RGS7: variants seen among roughly 807,000 people sequenced by gnomAD.
RGS7 encodes regulator of G-protein signaling 7.
Under a neutral mutation model 81.1 loss-of-function variants are expected in RGS7, and 27 were observed. The observed-to-expected ratio is 0.33, with a 90% CI of 0.25 to 0.46. The LOEUF (loss-of-function observed/expected upper bound fraction) is 0.46, where lower values mean the gene tolerates loss of function less well. RGS7 is among the 20% of genes least tolerant of loss of function. The probability of loss-of-function intolerance (pLI) is 1.00; values close to 1 mark genes in which losing one functional copy is unlikely to be tolerated. For missense variants in RGS7, 396 were observed against 607.4 expected (o/e 0.65, Z 3.66); for synonymous variants, 208 against 207.7 (o/e 1.00, Z -0.01).
intron 2 of RGS7, among the ~76,000 whole-genome samples, chr1:241,329,495 T>C (rs1364460527): frequency 1.3e-5 from 2 of 152,136 alleles, no homozygotes; most frequent in African/African-American, 4.8e-5. Flanking sequence ...ATATTGATGG[T>C]AATAAAACCT....
At chr1:240,936,448 T>A (rs1484850482) in intron 5 of RGS7, 152 bp downstream of exon 5, 4 of 647,786 alleles carry the variant, frequency 6.2e-6, no homozygotes, top group Non-Finnish European at 1.1e-5. Context: ...TTGCTTTTTA[T>A]GTCTTTAGTT....
chr1:241,250,374 T>A (rs2686218), intron 2 of RGS7, among the ~76,000 whole-genome samples: 1 of 151,956 alleles, frequency 6.6e-6, no homozygotes, highest in Non-Finnish European at 1.5e-5. Context: ...CGATTCTTCA[T>A]TTATACTATT....
intron 4 of RGS7, among the ~76,000 whole-genome samples, chr1:240,939,847 G>A (rs911038573): frequency 1.3e-5 from 2 of 152,040 alleles, no homozygotes. Flanking sequence ...AAGACGGATG[G>A]ATCAATTGAG....
At chr1:241,073,812 A>C (rs1456483942) in intron 3 of RGS7, among the ~76,000 whole-genome samples, 1 of 152,186 alleles carries the variant, frequency 6.6e-6, no homozygotes, top group African/African-American at 2.4e-5. Context: ...TCCTTCTTTG[A>C]ATCTCTGCAA....
intron 3 of RGS7, among the ~76,000 whole-genome samples, chr1:241,019,394 A>G (rs747119774): frequency 5.9e-5 from 9 of 152,028 alleles, no homozygotes; most frequent in Non-Finnish European, 1.3e-4. Context: ...TCTAGGGTAC[A>G]TGTGCGCAAC....
At chr1:241,029,044 G>A (rs921296274) in intron 3 of RGS7, among the ~76,000 whole-genome samples, 3 of 152,178 alleles carry the variant, frequency 2.0e-5, no homozygotes, top group African/African-American at 4.8e-5. Flanking sequence ...AAATCAATAC[G>A]ATTGAAGAGG....
intron 4 of RGS7, among the ~76,000 whole-genome samples, chr1:240,976,725 C>A (rs1025514951): frequency 6.8e-6 from 1 of 148,048 alleles, no homozygotes; most frequent in Non-Finnish European, 1.5e-5. Flanking sequence ...TCCTCAAAAT[C>A]TCTATCTATC....
intron 2 of RGS7, among the ~76,000 whole-genome samples, chr1:241,211,529 C>A (rs2074243704): frequency 6.6e-6 from 1 of 152,112 alleles, no homozygotes; most frequent in Admixed American, 6.5e-5. Flanking sequence ...CTGTACCTGA[C>A]AAAAGAGGAC....
chr1:241,029,228 AG>A (rs529961816), intron 3 of RGS7, among the ~76,000 whole-genome samples: 4 of 152,062 alleles, frequency 2.6e-5, no homozygotes, highest in Non-Finnish European at 5.9e-5. Flanking sequence ...GGGGAGGGGG[AG>A]GGAAGTAGCC....
At chr1:240,811,199 G>T (rs539184957) in intron 14 of RGS7, among the ~76,000 whole-genome samples, 1 of 152,272 alleles carries the variant, frequency 6.6e-6, no homozygotes, top group Non-Finnish European at 1.5e-5. Context: ...ATGAATGAAA[G>T]AACTCATGAA....
chr1:241,070,501 G>A (rs2062373059), intron 3 of RGS7, among the ~76,000 whole-genome samples: 2 of 152,162 alleles, frequency 1.3e-5, no homozygotes, highest in Non-Finnish European at 1.5e-5. Flanking sequence ...TGACCTAAAG[G>A]CAACCTTACA....
chr1:241,037,578 AGGTGT>A (rs1239268341), intron 3 of RGS7, among the ~76,000 whole-genome samples: 1 of 151,906 alleles, frequency 6.6e-6, no homozygotes, highest in African/African-American at 2.4e-5. Context: ...AAAATTAGCC[AGGTGT>A]GGTGGCAGGC....
intron 18 of RGS7, among the ~76,000 whole-genome samples, chr1:240,783,547 C>G (rs955570569): frequency 1.2e-4 from 18 of 151,752 alleles, no homozygotes; most frequent in Non-Finnish European, 2.1e-4. Flanking sequence ...TGTTTGAACC[C>G]AGGAGACAGA....
chr1:241,253,044 G>T (rs2148225820), intron 2 of RGS7, among the ~76,000 whole-genome samples: 1 of 152,324 alleles, frequency 6.6e-6, no homozygotes, highest in South Asian at 2.1e-4. Context: ...GTTCTACAGT[G>T]ATTACATATT....
chr1:240,991,903 G>T (rs1332641296), intron 3 of RGS7, among the ~76,000 whole-genome samples: 1 of 152,054 alleles, frequency 6.6e-6, no homozygotes, highest in Non-Finnish European at 1.5e-5. Context: ...CTACACACAG[G>T]CCATGTCTAA....
At chr1:241,304,604 G>A (rs760347222) in intron 2 of RGS7, among the ~76,000 whole-genome samples, 6 of 152,220 alleles carry the variant, frequency 3.9e-5, no homozygotes, top group African/African-American at 7.2e-5. Flanking sequence ...GGCCGGGAGC[G>A]GGTGTTGTGA....
chr1:241,267,156 C>A (rs555030789), intron 2 of RGS7, among the ~76,000 whole-genome samples: 1 of 152,202 alleles, frequency 6.6e-6, no homozygotes, highest in Non-Finnish European at 1.5e-5. Context: ...CCGTCTCTCT[C>A]AGTTTCTCCC....
chr1:241,127,737 G>A (rs1361387956), intron 2 of RGS7, among the ~76,000 whole-genome samples: 4 of 152,038 alleles, frequency 2.6e-5, no homozygotes, highest in African/African-American at 9.7e-5. Flanking sequence ...TTTATCAATT[G>A]AAATTAATAG....
At chr1:240,885,755 G>C (rs1429000251) in intron 6 of RGS7, among the ~76,000 whole-genome samples, 1 of 152,190 alleles carries the variant, frequency 6.6e-6, no homozygotes, top group Non-Finnish European at 1.5e-5. Context: ...TGAGAGTGGA[G>C]GGTGGGAGGA....
Sources: gnomAD v4.1 joint callset for allele counts (sites outside exome capture counted in the v4.1 genomes callset) on GRCh38, gnomAD v4.1.1 for gene constraint, MANE v1.5 for transcripts, NCBI Gene and HGNC (gene_info 2026-07-23, HGNC 2026-07-21) for gene names.